SOBP: variants seen among roughly 807,000 people sequenced by gnomAD.
SOBP encodes sine oculis binding protein homolog, also known as sine oculis-binding protein homolog.
A neutral mutation model predicts 53.6 loss-of-function variants in SOBP; 4 were observed. The ratio of observed to expected loss-of-function variants is 0.07; its 90% CI spans 0.04 to 0.17. The LOEUF is 0.17. Among genes scored for constraint, SOBP ranks in the 10% least tolerant of loss-of-function variants. The pLI, the probability that SOBP is intolerant of heterozygous loss-of-function variation, is 1.00. For missense variants in SOBP, 1,088 were observed against 1,204.7 expected (o/e 0.90, Z 1.43); for synonymous variants, 584 against 522.6 (o/e 1.12, Z -1.60).
At chr6:107,513,516 G>C (rs910811300) in intron 3 of SOBP, among the ~76,000 whole-genome samples, 4 of 152,064 alleles carry the variant, frequency 2.6e-5, no homozygotes, top group Non-Finnish European at 5.9e-5. Flanking sequence ...TTTGCATTAT[G>C]GTCATTATTT....
chr6:107,529,050 A>G (rs1484378315), intron 3 of SOBP, among the ~76,000 whole-genome samples: 1 of 152,198 alleles, frequency 6.6e-6, no homozygotes, highest in Non-Finnish European at 1.5e-5. Flanking sequence ...TACTGCTATC[A>G]TTATGTTCTT....
intron 4 of SOBP, among the ~76,000 whole-genome samples, chr6:107,540,552 C>G (rs1784121413): frequency 2.0e-5 from 3 of 152,216 alleles, no homozygotes; most frequent in Admixed American, 2.0e-4. Flanking sequence ...AAACATCAGT[C>G]TATTGCATTC....
chr6:107,652,987 C>A (rs1771870287), intron 6 of SOBP, among the ~76,000 whole-genome samples: 1 of 151,938 alleles, frequency 6.6e-6, no homozygotes, highest in South Asian at 2.1e-4. Flanking sequence ...GGAAACCCTC[C>A]AAAAAAATGC....
intron 4 of SOBP, among the ~76,000 whole-genome samples, chr6:107,535,639 T>TGTGTGTGTGTGTGTGTGTGTG (rs1315066849): frequency 1.5e-5 from 2 of 129,656 alleles, no homozygotes; most frequent in East Asian, 4.4e-4. Flanking sequence ...GTGTGTGTGT[T>TGTGTGTGTGTGTGTGTGTGTG]TTTTTTTTTT....
chr6:107,579,096 G>A (rs1785324712), intron 4 of SOBP, among the ~76,000 whole-genome samples: 2 of 152,156 alleles, frequency 1.3e-5, no homozygotes, highest in African/African-American at 2.4e-5. Flanking sequence ...CCTTCCTTTT[G>A]TTTCCCCTCA....
intron 4 of SOBP, among the ~76,000 whole-genome samples, chr6:107,559,324 G>A (rs75772687): frequency 0.021 from 3,123 of 152,176 alleles, 102 homozygotes; most frequent in African/African-American, 0.072. Context: ...TTTGAACCTG[G>A]GAACCCATAC....
intron 1 of SOBP, among the ~76,000 whole-genome samples, chr6:107,491,075 G>A (rs957257063): frequency 6.6e-6 from 1 of 152,078 alleles, no homozygotes; most frequent in Non-Finnish European, 1.5e-5. Flanking sequence ...TCATCCTCAG[G>A]GTCCCTCCAA....
intron 1 of SOBP, among the ~76,000 whole-genome samples, chr6:107,497,914 G>A (rs1223623882): frequency 6.6e-6 from 1 of 152,140 alleles, no homozygotes; most frequent in Non-Finnish European, 1.5e-5. Context: ...GGCTTTTAAT[G>A]CATAGAGTCA....
At position 107,574,250 on chromosome 6, in the gene SOBP, C is replaced by T. The variant is rs369003395; in HGVS notation, c.574-12830C>T. On this transcript the variant is annotated intron_variant, in intron 4 of 6. Coordinates refer to ENST00000317357, the MANE Select transcript of SOBP (RefSeq NM_018013.4). ...ATACTTGACTGCATGTAAACATTGC[C>T]TGTTTTTATTAAGAAGGGAAGGCTA... 1.3e-4 allele frequency among the ~76,000 whole-genome samples: 20 copies of T among 152,228 alleles called. No homozygotes were observed. In the East Asian group the frequency reaches 3.7e-3, roughly 28 times the overall value.
intron 2 of SOBP, among the ~76,000 whole-genome samples, 165 bp from the exon 3 acceptor site, chr6:107,506,076 CT>C (rs1274241583): frequency 1.1e-4 from 17 of 152,286 alleles, no homozygotes; most frequent in African/African-American, 4.1e-4. Context: ...GGTAACCACA[CT>C]AAAAAGTTCC....
rs573719922 is a variant in SOBP at position 107,635,262 on chromosome 6, T to C, written c.2418T>C (p.Leu806=). The C allele has an allele frequency of 3.7e-6, 6 of 1,613,802 alleles. 1 individual carries two copies. In the South Asian group the frequency reaches 6.6e-5, roughly 18 times the overall value. ...LAGGDKSDPN[L]NNPADEDHAY... ...GGGGCGACAAGTCAGACCCGAACCT[T>C]AATAACCCCGCGGACGAGGACCATG... Residue 806 remains leucine, a synonymous_variant, in exon 6 of 7, where the codon CTT becomes CTC. Coordinates refer to ENST00000317357, the MANE Select transcript of SOBP (RefSeq NM_018013.4). The surrounding 1 kb of genome is among the most constrained non-coding windows in gnomAD (Gnocchi z 4.5).
intron 5 of SOBP, among the ~76,000 whole-genome samples, chr6:107,623,749 G>GAATAT (rs1562107924): frequency 6.6e-6 from 1 of 152,262 alleles, no homozygotes; most frequent in East Asian, 1.9e-4. Context: ...AAAAGACCTT[G>GAATAT]AATATATTAT....
chr6:107,500,246 G>A (rs890224016), intron 1 of SOBP, among the ~76,000 whole-genome samples: 3 of 151,814 alleles, frequency 2.0e-5, no homozygotes, highest in South Asian at 2.1e-4. Context: ...AAAATTAGCC[G>A]GGCATGGTGG....
intron 6 of SOBP, among the ~76,000 whole-genome samples, chr6:107,639,773 T>G (rs1036827622): frequency 6.6e-6 from 1 of 152,178 alleles, no homozygotes; most frequent in East Asian, 1.9e-4. Flanking sequence ...TGTTTGAAGA[T>G]ATTCAAAAGA....
At chr6:107,576,593 G>A (rs1785232383) in intron 4 of SOBP, among the ~76,000 whole-genome samples, 1 of 152,184 alleles carries the variant, frequency 6.6e-6, no homozygotes, top group Non-Finnish European at 1.5e-5. Flanking sequence ...AAGGGCCAGG[G>A]CAGGACCACA....
At chr6:107,597,889 A>G (rs2115077302) in intron 5 of SOBP, among the ~76,000 whole-genome samples, 1 of 152,348 alleles carries the variant, frequency 6.6e-6, no homozygotes, top group East Asian at 1.9e-4. Context: ...CACTGCATGA[A>G]GACAATGTCT....
intron 4 of SOBP, among the ~76,000 whole-genome samples, chr6:107,583,497 C>T (rs1379940802): frequency 6.6e-6 from 1 of 152,086 alleles, no homozygotes; most frequent in Non-Finnish European, 1.5e-5. Context: ...TAATTTTTGC[C>T]CACAAGCAAC....
intron 4 of SOBP, among the ~76,000 whole-genome samples, chr6:107,583,855 C>T (rs112511449): frequency 2.0e-5 from 3 of 152,122 alleles, no homozygotes; most frequent in African/African-American, 7.2e-5. Context: ...GGAATATTTG[C>T]GTTGTATATA....
chr6:107,621,400 A>G (rs937349412), intron 5 of SOBP, among the ~76,000 whole-genome samples: 1 of 152,222 alleles, frequency 6.6e-6, no homozygotes, highest in Admixed American at 6.5e-5. Context: ...TTCACAGAAC[A>G]AAGACAGAAA....
Sources: gnomAD v4.1 joint callset for allele counts (sites outside exome capture counted in the v4.1 genomes callset) on GRCh38, gnomAD v4.1.1 for gene constraint, Gnocchi (gnomAD v3.1) non-coding constraint, MANE v1.5 for transcripts, NCBI Gene and HGNC (gene_info 2026-07-23, HGNC 2026-07-21) for gene names.